Variants in SPDL1 observed in about 807,000 individuals in gnomAD.
The protein encoded by SPDL1 is spindle apparatus coiled-coil protein 1.
Under a neutral mutation model 79.5 loss-of-function variants are expected in SPDL1, and 85 were observed. That is an observed-to-expected ratio of 1.07 (90% CI 0.90 to 1.28). The LOEUF is 1.28. SPDL1 is among the 50% of genes most tolerant of loss of function. The pLI, the probability that SPDL1 is intolerant of heterozygous loss-of-function variation, is 0.00. For synonymous variants in SPDL1, 269 were observed against 240.3 expected, an observed-to-expected ratio of 1.12 and a Z score of -1.10; for missense variants, 703 against 697.8, an observed-to-expected ratio of 1.01 and a Z score of -0.08.
chr5:169,603,453 G>T (rs1275771806), intron 11 of SPDL1, among the ~76,000 whole-genome samples: 1 of 152,000 alleles, frequency 6.6e-6, no homozygotes, highest in African/African-American at 2.4e-5. Flanking sequence ...TTAAAATATT[G>T]CTGTAACATT....
intron 3 of SPDL1, 131 bp downstream of exon 3, chr5:169,591,355 A>G (rs1236319763): frequency 1.2e-6 from 1 of 833,070 alleles, no homozygotes; most frequent in Non-Finnish European, 1.8e-6. Context: ...CATTATCTTA[A>G]TATTGGGGGT....
At chr5:169,586,059 A>G (rs1754972064) in intron 1 of SPDL1, 1 of 152,234 alleles carries the variant, frequency 6.6e-6, no homozygotes, top group African/African-American at 2.4e-5. Flanking sequence ...CTTAAAAATA[A>G]AAAAACTTGT....
intron 10 of SPDL1, among the ~76,000 whole-genome samples, chr5:169,600,852 T>C (rs111975004): frequency 0.039 from 5,962 of 152,308 alleles, 174 homozygotes; most frequent in Non-Finnish European, 0.057. Flanking sequence ...GTGGGTGCTT[T>C]TAATCCCCAT....
At position 169,601,588 on chromosome 5, in the gene SPDL1, T is replaced by A; in HGVS notation, c.1633T>A (p.Leu545Ile). ...AGGAGTTCCCGCTGACGCTGAGGCC[T>A]TAAGTGAAAGAAGTGGAAACACCCC... ...LIGVPADAEA[L>I]SERSGNTPNS... is the part of the protein sequence containing the mutation. Residue 545 changes from leucine (L) to isoleucine (I), a missense_variant, in exon 11 of 12, where the codon TTA (leucine) becomes ATA (isoleucine). By Grantham distance (5) the Leu-to-Ile change is conservative (BLOSUM62 2). Coordinates refer to ENST00000265295, the MANE Select transcript of SPDL1 (RefSeq NM_017785.5). 1 of 1,614,194 alleles carries A rather than the reference T, an allele frequency of 6.2e-7. No individual in the cohort carries two copies. Among genetic ancestry groups the A allele is most frequent in the Non-Finnish European group, 8.5e-7 (1 of 1,180,032 alleles).
chr5:169,600,056 A>C (rs918397972), intron 10 of SPDL1, among the ~76,000 whole-genome samples: 4 of 152,210 alleles, frequency 2.6e-5, no homozygotes, highest in African/African-American at 9.6e-5. Context: ...ATGTAAATTC[A>C]AAAACAAAAG....
intron 10 of SPDL1, 139 bp from the exon 11 acceptor site, chr5:169,601,141 A>G: frequency 1.5e-6 from 1 of 664,122 alleles, no homozygotes. Flanking sequence ...GTAGAAACAA[A>G]GGATGCATTT....
At chr5:169,604,029 G>T in intron 11 of SPDL1, 31 bp from the exon 12 acceptor site, 1 of 1,585,346 alleles carries the variant, frequency 6.3e-7, no homozygotes, top group South Asian at 1.2e-5. Context: ...AACCACATTT[G>T]AATTCAGAGT....
In SPDL1 at chr5:169,601,278, A is replaced by G; in HGVS notation, c.1325-2A>G. ...CTTTTCCCCACTCGTTTTTATTCTC[A>G]GAGACAGTTGAAGTGCCTGTACTGA... On this transcript the variant is annotated splice_acceptor_variant, in intron 10 of 11. Coordinates refer to ENST00000265295, the MANE Select transcript of SPDL1 (RefSeq NM_017785.5). LOFTEE classifies it high-confidence loss of function. 6.3e-7 allele frequency: 1 copy of G among 1,591,866 alleles called. No individual in the cohort carries two copies. The highest frequency in any genetic ancestry group is 8.5e-7 in the Non-Finnish European group (1 of 1,170,770).
chr5:169,604,323 C>A lies in SPDL1; in HGVS notation c.*116C>A. On this transcript the variant is annotated 3_prime_UTR_variant, in exon 12 of 12. Coordinates refer to ENST00000265295, the MANE Select transcript of SPDL1 (RefSeq NM_017785.5). ...GGGTTATTTACTCATTGTGCCAGGA[C>A]CTGGCATTTTCATGTGCCTTTGACC... 1.8e-6 allele frequency: 2 copies of A among 1,097,616 alleles called. No individual in the cohort carries two copies. The highest frequency in any genetic ancestry group is 2.5e-6 in the Non-Finnish European group (2 of 811,754). 68.0% of individuals were successfully genotyped at this position (1,097,616 alleles called of 1,614,324 possible). A position where few individuals can be genotyped will look rare whatever the true frequency, so the allele number is the denominator to read the frequency against.
rs761705423 is a variant in SPDL1 at position 169,594,282 on chromosome 5, T to C, written c.669T>C (p.Tyr223=). The change falls in exon 5 of 12, where the codon TAT becomes TAC. Residue 223 remains tyrosine (Y), a synonymous_variant. Coordinates refer to ENST00000265295, the MANE Select transcript of SPDL1 (RefSeq NM_017785.5). Reference sequence around the variant, plus strand: ...GAGAGAAAGAAGCAGTTTCTTACTATAATGCCCTAGAGGTACTATGATTAC... The same window carrying C: ...GAGAGAAAGAAGCAGTTTCTTACTACAATGCCCTAGAGGTACTATGATTAC... The part of the protein sequence containing the change: ...EEREKEAVSY[Y]NALEKARVAN... 3 of 1,613,932 alleles carry C rather than the reference T, an allele frequency of 1.9e-6. No homozygotes were observed. The South Asian group carries it at 3.3e-5, about 18-fold the overall frequency.
In SPDL1 at chr5:169,604,269, T is replaced by G; in HGVS notation, c.*62T>G. 2 of 1,430,428 alleles carry G rather than the reference T, an allele frequency of 1.4e-6. No homozygotes were observed. Among genetic ancestry groups the G allele is most frequent in the Non-Finnish European group, 1.9e-6 (2 of 1,073,764 alleles). 88.6% of individuals were successfully genotyped at this position (1,430,428 alleles called of 1,614,324 possible). On this transcript the variant is annotated 3_prime_UTR_variant, in exon 12 of 12. Transcript: ENST00000265295. ...TCAAAAGTTACTATGGTGCTTAAGA[T>G]TGTCTTGATCTGACATATATCACCT... is the stretch of plus-strand genomic sequence containing the variant.
At position 169,603,441 on chromosome 5, in the gene SPDL1, C is replaced by T. The variant is rs577207533; in HGVS notation, c.1671-619C>T. Among the ~76,000 whole-genome samples the T allele has an allele frequency of 3.9e-5, 6 of 152,290 alleles. No homozygotes were observed. In the South Asian group the frequency reaches 1.2e-3, roughly 32 times the overall value. On this transcript the variant is annotated intron_variant, in intron 11 of 11. Coordinates refer to ENST00000265295, the MANE Select transcript of SPDL1 (RefSeq NM_017785.5). ...TCTTGCCTTTTGTATGTCATGTTAA[C>T]ATTAAAATATTGCTGTAACATTTCA... is the stretch of plus-strand genomic sequence containing the variant.
intron 4 of SPDL1, 121 bp downstream of exon 4, chr5:169,593,669 T>G: frequency 3.3e-6 from 3 of 917,550 alleles, no homozygotes; most frequent in Non-Finnish European, 3.2e-6. Context: ...TGACCTAACT[T>G]GCATCTAACT....
chr5:169,592,533 T>C (rs983968396), intron 3 of SPDL1, among the ~76,000 whole-genome samples: 31 of 152,140 alleles, frequency 2.0e-4, no homozygotes, highest in Non-Finnish European at 4.3e-4. Flanking sequence ...ATATTTAAGC[T>C]TGCTTATTTT....
At chr5:169,594,342 T>C in intron 5 of SPDL1, 48 bp downstream of exon 5, 2 of 1,612,494 alleles carry the variant, frequency 1.2e-6, no homozygotes, top group Non-Finnish European at 1.7e-6. Context: ...TCATAACTTA[T>C]TTTCTTGCTA....
intron 2 of SPDL1, 135 bp downstream of exon 2, chr5:169,588,710 G>T (rs1755117148): frequency 2.9e-6 from 2 of 678,200 alleles, no homozygotes; most frequent in Non-Finnish European, 4.6e-6. Context: ...CCCCGTCCCT[G>T]TTAAAAAAGA....
intron 3 of SPDL1, among the ~76,000 whole-genome samples, chr5:169,591,854 C>T (rs1319345323): frequency 1.1e-4 from 17 of 152,370 alleles, no homozygotes; most frequent in Non-Finnish European, 1.0e-4. Context: ...CATAGTCTAA[C>T]AGCATGTTAC....
In SPDL1 at chr5:169,593,563, A is replaced by G. The variant is rs1755414479; in HGVS notation, c.531+15A>G. 4.5e-6 allele frequency: 7 copies of G among 1,546,112 alleles called. No homozygotes were observed. The highest frequency in any genetic ancestry group is 1.4e-5 in the African/African-American group (1 of 71,594). The stretch of plus-strand genomic sequence containing the variant: ...AGAGTATGAAGGTAATTTTTATGGC[A>G]TGTGTTTCTCAGGGTTTTCTCTTTT... On this transcript the variant is annotated intron_variant, in intron 4 of 11. Transcript: ENST00000265295.
chr5:169,597,886 C>T (rs1027839274), intron 8 of SPDL1, among the ~76,000 whole-genome samples: 26 of 152,294 alleles, frequency 1.7e-4, no homozygotes, highest in Admixed American at 6.5e-4. Context: ...GAACTATACT[C>T]TGAAAATTAT....
Sources: allele counts gnomAD v4.1 joint callset (sites outside exome capture counted in the v4.1 genomes callset), GRCh38; gene constraint gnomAD v4.1.1; transcripts MANE v1.5; gene names NCBI Gene and HGNC (gene_info 2026-07-23, HGNC 2026-07-21).